Variants in NIBAN1 observed in about 807,000 individuals in gnomAD.
The protein encoded by NIBAN1 is protein Niban 1.
NIBAN1 carries 81 observed loss-of-function variants against 75.1 expected under a neutral mutation model. That is an observed-to-expected ratio of 1.08 (90% CI 0.90 to 1.30). The LOEUF is 1.30. Among genes scored for constraint, NIBAN1 ranks in the 50% most tolerant of loss-of-function variants. The pLI, the probability that NIBAN1 is intolerant of heterozygous loss-of-function variation, is 0.00. For synonymous variants in NIBAN1, 436 were observed against 424.8 expected (o/e 1.03, Z -0.32); for missense variants, 1,133 against 1,128.1 (o/e 1.00, Z -0.06).
intron 1 of NIBAN1, among the ~76,000 whole-genome samples, chr1:184,953,180 C>T (rs959961832): frequency 6.6e-6 from 1 of 152,116 alleles, no homozygotes; most frequent in Non-Finnish European, 1.5e-5. Context: ...CAACAGCCTT[C>T]GGAGGTACTA....
intron 12 of NIBAN1, among the ~76,000 whole-genome samples, chr1:184,801,868 T>A (rs1654051756): frequency 6.6e-6 from 1 of 152,262 alleles, no homozygotes; most frequent in Non-Finnish European, 1.5e-5. Flanking sequence ...TATACTGTCA[T>A]GAAGTGACCA....
At chr1:184,799,246 T>A (rs1378260530) in intron 12 of NIBAN1, among the ~76,000 whole-genome samples, 3 of 150,318 alleles carry the variant, frequency 2.0e-5, no homozygotes, top group African/African-American at 7.3e-5. Context: ...CCTGTGTCCA[T>A]GTGTTCTCAT....
intron 1 of NIBAN1, among the ~76,000 whole-genome samples, chr1:184,957,768 G>C (rs8179285): frequency 0.55 from 83,136 of 152,060 alleles, 24,196 homozygotes; most frequent in Non-Finnish European, 0.65. Flanking sequence ...AAAATCTCCA[G>C]AGAATCCAAC....
intron 1 of NIBAN1, among the ~76,000 whole-genome samples, chr1:184,944,457 G>C (rs1355123497): frequency 6.6e-6 from 1 of 152,226 alleles, no homozygotes; most frequent in East Asian, 1.9e-4. Flanking sequence ...CTTTGAAAAA[G>C]AGAGAATATT....
intron 8 of NIBAN1, among the ~76,000 whole-genome samples, chr1:184,821,659 A>C (rs1288509071): frequency 1.3e-5 from 2 of 152,234 alleles, no homozygotes; most frequent in Non-Finnish European, 2.9e-5. Context: ...GGCTACAGTT[A>C]GGCCCAACTT....
chr1:184,814,681 G>A (rs551791997), intron 9 of NIBAN1, among the ~76,000 whole-genome samples: 45 of 152,176 alleles, frequency 3.0e-4, no homozygotes, highest in African/African-American at 9.9e-4. Flanking sequence ...TTAAACCTGT[G>A]GTATTTGACA....
rs762095918 is a variant in NIBAN1 at position 184,803,586 on chromosome 1, G to T, written c.1553C>A (p.Pro518Gln). The T allele has an allele frequency of 4.6e-5, 74 of 1,613,016 alleles. No individual in the cohort carries two copies. Among genetic ancestry groups the T allele is most frequent in the Middle Eastern group, 1.7e-4 (1 of 6,058 alleles). ...VQKALASTCKPELQKYEQFIF... is the reference protein window; with the variant it reads ...VQKALASTCKQELQKYEQFIF... ...CTTTAGGGTAACTCATCCCCTTACT[G>T]GTTTGCATGTGGACGCCAGTGCCTT... Residue 518 changes from proline to glutamine, a missense_variant and splice_region_variant, in exon 12 of 14, where the codon CCA (proline) becomes CAA (glutamine). Coordinates refer to ENST00000367511, the MANE Select transcript of NIBAN1 (RefSeq NM_052966.4).
chr1:184,805,182 A>G (rs1027937991), intron 11 of NIBAN1, among the ~76,000 whole-genome samples: 11 of 152,342 alleles, frequency 7.2e-5, no homozygotes, highest in Middle Eastern at 3.4e-3. Flanking sequence ...GACCACCCCT[A>G]GGCTCTGTGG....
At chr1:184,823,860 T>G in intron 6 of NIBAN1, 118 bp from the exon 7 acceptor site, 2 of 733,898 alleles carry the variant, frequency 2.7e-6, no homozygotes, top group South Asian at 3.3e-5. Context: ...AACTCTGTAG[T>G]AGGTTAATAG....
At chr1:184,859,342 C>T (rs1174249081) in intron 5 of NIBAN1, among the ~76,000 whole-genome samples, 1 of 152,146 alleles carries the variant, frequency 6.6e-6, no homozygotes, top group African/African-American at 2.4e-5. Context: ...CAAATACATC[C>T]TCAGCCTACC....
At chr1:184,865,328 A>C (rs920463346) in intron 5 of NIBAN1, among the ~76,000 whole-genome samples, 1 of 152,180 alleles carries the variant, frequency 6.6e-6, no homozygotes, top group Non-Finnish European at 1.5e-5. Flanking sequence ...GAGGAAGCTG[A>C]AGGCCATTAT....
chr1:184,823,127 G>A (rs757241943), intron 8 of NIBAN1, 40 bp downstream of exon 8: 1 of 1,602,394 alleles, frequency 6.2e-7, no homozygotes. Context: ...TGCATGTACA[G>A]CTTATTTAAT....
chr1:184,907,087 G>A (rs963994255), intron 1 of NIBAN1, among the ~76,000 whole-genome samples: 1 of 152,066 alleles, frequency 6.6e-6, no homozygotes, highest in South Asian at 2.1e-4. Flanking sequence ...CTGATTAAGT[G>A]CAAAAAGATA....
chr1:184,814,844 A>G (rs1473808944), intron 9 of NIBAN1, among the ~76,000 whole-genome samples: 1 of 152,238 alleles, frequency 6.6e-6, no homozygotes, highest in Non-Finnish European at 1.5e-5. Context: ...TGGAGAAACA[A>G]CTGGTATTCA....
At chr1:184,940,970 G>A (rs1411609904) in intron 1 of NIBAN1, among the ~76,000 whole-genome samples, 3 of 152,212 alleles carry the variant, frequency 2.0e-5, no homozygotes, top group East Asian at 1.9e-4. Flanking sequence ...AACAGAGAAG[G>A]CATCCGGACA....
At chr1:184,917,265 C>T (rs1331125598) in intron 1 of NIBAN1, among the ~76,000 whole-genome samples, 4 of 149,988 alleles carry the variant, frequency 2.7e-5, no homozygotes, top group Non-Finnish European at 5.9e-5. Context: ...AGTGCAGTGG[C>T]GCGATCTCAG....
At chr1:184,857,297 T>G (rs1210838577) in intron 5 of NIBAN1, among the ~76,000 whole-genome samples, 1 of 152,188 alleles carries the variant, frequency 6.6e-6, no homozygotes, top group Non-Finnish European at 1.5e-5. Flanking sequence ...TAGCTTCCAG[T>G]GACCTTCCTT....
intron 1 of NIBAN1, among the ~76,000 whole-genome samples, chr1:184,918,879 T>TAGTG (rs1391499387): frequency 6.6e-6 from 1 of 152,190 alleles, no homozygotes; most frequent in Non-Finnish European, 1.5e-5. Flanking sequence ...ATTAGCTGTA[T>TAGTG]AGTGAGTGTA....
chr1:184,835,017 C>G (rs1376065526), intron 5 of NIBAN1, among the ~76,000 whole-genome samples: 2 of 152,036 alleles, frequency 1.3e-5, no homozygotes, highest in Admixed American at 6.6e-5. Flanking sequence ...ATTAATTTTT[C>G]TATAAGGTGT....
Sources: gnomAD v4.1 joint callset for allele counts (sites outside exome capture counted in the v4.1 genomes callset) on GRCh38, gnomAD v4.1.1 for gene constraint, MANE v1.5 for transcripts, NCBI Gene and HGNC (gene_info 2026-07-23, HGNC 2026-07-21) for gene names.